GTF2IRD1: variants seen among roughly 807,000 people sequenced by gnomAD.
The protein encoded by GTF2IRD1 is general transcription factor II-I repeat domain-containing protein 1.
GTF2IRD1 carries 26 observed loss-of-function variants against 113.2 expected under a neutral mutation model. The ratio of observed to expected loss-of-function variants is 0.23; its 90% CI spans 0.17 to 0.32. GTF2IRD1 has a LOEUF of 0.32. GTF2IRD1 is among the 10% of genes least tolerant of loss of function. The pLI, the probability that GTF2IRD1 is intolerant of heterozygous loss-of-function variation, is 1.00. For synonymous variants in GTF2IRD1, 484 were observed against 529.1 expected (o/e 0.91, Z 1.17); for missense variants, 864 against 1,280.8 (o/e 0.67, Z 4.97).
At chr7:74,511,782 A>G (rs2267828) in intron 2 of GTF2IRD1, among the ~76,000 whole-genome samples, 42,267 of 152,022 alleles carry the variant, frequency 0.28, 6,932 homozygotes, top group East Asian at 0.45. Context: ...CATTTATTAG[A>G]CACAACTGCC....
At chr7:74,578,488 T>C (rs1394744205) in intron 22 of GTF2IRD1, among the ~76,000 whole-genome samples, 3 of 152,210 alleles carry the variant, frequency 2.0e-5, no homozygotes, top group Non-Finnish European at 2.9e-5. Flanking sequence ...TAATTTTACT[T>C]TTATGACAAA....
chr7:74,456,319 T>C (rs546693432), intron 1 of GTF2IRD1, among the ~76,000 whole-genome samples: 80 of 152,296 alleles, frequency 5.3e-4, no homozygotes, highest in Middle Eastern at 3.4e-3. Flanking sequence ...AACCATAGAC[T>C]GCAGCTCCCA....
At chr7:74,529,254 T>A (rs1797820856) in intron 8 of GTF2IRD1, among the ~76,000 whole-genome samples, 1 of 151,758 alleles carries the variant, frequency 6.6e-6, no homozygotes, top group Non-Finnish European at 1.5e-5. Context: ...CACTGGACAT[T>A]TTTTATTTTT....
At chr7:74,460,010 C>T (rs1367945368) in intron 1 of GTF2IRD1, among the ~76,000 whole-genome samples, 1 of 151,788 alleles carries the variant, frequency 6.6e-6, no homozygotes, top group Non-Finnish European at 1.5e-5. Context: ...AGGTCTCACT[C>T]TGTCACCCAG....
intron 22 of GTF2IRD1, among the ~76,000 whole-genome samples, chr7:74,564,269 A>T (rs1476065075): frequency 6.6e-6 from 1 of 152,098 alleles, no homozygotes; most frequent in Non-Finnish European, 1.5e-5. Context: ...TCAGGTGATC[A>T]GCCCGCCTCA....
intron 11 of GTF2IRD1, among the ~76,000 whole-genome samples, chr7:74,537,127 C>A (rs1554350417): frequency 1.3e-5 from 2 of 149,388 alleles, no homozygotes; most frequent in African/African-American, 4.9e-5. Context: ...TACAAACATG[C>A]AGCTGGGCAT....
At chr7:74,578,431 C>A (rs1190095799) in intron 22 of GTF2IRD1, among the ~76,000 whole-genome samples, 1 of 152,204 alleles carries the variant, frequency 6.6e-6, no homozygotes, top group Non-Finnish European at 1.5e-5. Flanking sequence ...CCGCCTCAGC[C>A]TCCCAAAATG....
chr7:74,591,216 G>GATATTACATTGTT (rs1802041282), intron 24 of GTF2IRD1, among the ~76,000 whole-genome samples, 199 bp downstream of exon 24: 1 of 151,694 alleles, frequency 6.6e-6, no homozygotes, highest in African/African-American at 2.4e-5. Flanking sequence ...TATTACATTT[G>GATATTACATTGTT]TTCTCTGGGG....
At position 74,521,244 on chromosome 7, in the gene GTF2IRD1, A is replaced by G. The variant is rs1797277563; in HGVS notation, c.953A>G (p.Gln318Arg). Residue 318 changes from glutamine (Q) to arginine (R), a missense_variant, in exon 7 of 27, where the codon CAG (glutamine) becomes CGG (arginine). Transcript: ENST00000424337. ...ACTGGGCCTGGTGGGCCTCTCATCC[A>G]GAACGTCCATGCCTCCAAGCGCATT... ...KPTGPGGPLIQNVHASKRILF... is the reference protein window; with the variant it reads ...KPTGPGGPLIRNVHASKRILF... 1 of 1,611,862 alleles carries G rather than the reference A, an allele frequency of 6.2e-7. No individual in the cohort carries two copies. The highest frequency in any genetic ancestry group is 1.7e-5 in the Admixed American group (1 of 59,996).
In GTF2IRD1 at chr7:74,538,660, T is replaced by TCTTC. The variant is rs782781858; in HGVS notation, c.1448-16_1448-13dup. 6.9e-7 allele frequency: 1 copy of TCTTC among 1,448,596 alleles called. No individual in the cohort carries two copies. The highest frequency in any genetic ancestry group is 1.1e-5 in the South Asian group (1 of 87,792). The allele number at this position is 1,448,596 out of a possible 1,614,324, so 89.7% of individuals were successfully genotyped here. A position where few individuals can be genotyped will look rare whatever the true frequency, so the allele number is the denominator to read the frequency against. On this transcript the variant is annotated intron_variant, in intron 12 of 26. Transcript: ENST00000424337. ...GGGATCATGCCAGACTTGACAGGAT[T>TCTTC]CTTCCTTTCCTCCTTGCAGGAACCT...
At chr7:74,511,011 T>C (rs533403510) in intron 2 of GTF2IRD1, among the ~76,000 whole-genome samples, 2 of 150,720 alleles carry the variant, frequency 1.3e-5, no homozygotes, top group South Asian at 4.2e-4. Flanking sequence ...GTCGTGCCAC[T>C]GCACTCCAGC....
At chr7:74,593,917 A>G (rs1175995849) in intron 24 of GTF2IRD1, among the ~76,000 whole-genome samples, 1 of 145,722 alleles carries the variant, frequency 6.9e-6, no homozygotes, top group African/African-American at 2.5e-5. Context: ...AAATAAAAAT[A>G]GGCTGGGCGT....
At chr7:74,593,133 A>G (rs1763756751) in intron 24 of GTF2IRD1, among the ~76,000 whole-genome samples, 1 of 152,038 alleles carries the variant, frequency 6.6e-6, no homozygotes, top group Admixed American at 6.6e-5. Context: ...CTGGGATTAC[A>G]AACATGAGCC....
intron 9 of GTF2IRD1, among the ~76,000 whole-genome samples, chr7:74,531,925 T>A (rs1464216775): frequency 1.3e-5 from 2 of 152,122 alleles, no homozygotes; most frequent in South Asian, 4.1e-4. Context: ...ATGTCTGTAT[T>A]CCTACTGGGA....
At chr7:74,518,447 G>A (rs928679677) in intron 5 of GTF2IRD1, 125 bp downstream of exon 5, 2 of 699,946 alleles carry the variant, frequency 2.9e-6, no homozygotes, top group Non-Finnish European at 4.7e-6. Context: ...CCCTGGTGGT[G>A]AAAGCTCCCA....
At chr7:74,470,510 A>G (rs1418376440) in intron 1 of GTF2IRD1, among the ~76,000 whole-genome samples, 1 of 152,120 alleles carries the variant, frequency 6.6e-6, no homozygotes, top group African/African-American at 2.4e-5. Context: ...TTCAGCCTTC[A>G]CCTACCATAT....
At chr7:74,494,881 A>G (rs1437216271) in intron 1 of GTF2IRD1, among the ~76,000 whole-genome samples, 2 of 152,136 alleles carry the variant, frequency 1.3e-5, no homozygotes, top group Non-Finnish European at 2.9e-5. Context: ...CCTCCCCAGT[A>G]GCTGGGACTA....
At chr7:74,497,494 A>G (rs944829530) in intron 1 of GTF2IRD1, among the ~76,000 whole-genome samples, 1 of 152,148 alleles carries the variant, frequency 6.6e-6, no homozygotes, top group Non-Finnish European at 1.5e-5. Context: ...AGCTCAAGCA[A>G]TCCTCCTGCC....
Position 74,536,285 on chromosome 7 carries a change from C to T in GTF2IRD1, c.1409+10C>T, listed in dbSNP as rs782596071. The T allele has an allele frequency of 1.7e-5, 26 of 1,549,574 alleles. No individual in the cohort carries two copies. The highest frequency in any genetic ancestry group is 2.2e-5 in the Non-Finnish European group (25 of 1,122,036). On this transcript the variant is annotated intron_variant, in intron 11 of 26. Coordinates refer to ENST00000424337, the MANE Select transcript of GTF2IRD1 (RefSeq NM_005685.4). ...TTGCTGGGAATGCTCGGTGAGGCCC[C>T]GCCCCTGGCCCCGGAGGCCCGCGGC...
Sources: allele counts gnomAD v4.1 joint callset (sites outside exome capture counted in the v4.1 genomes callset), GRCh38; gene constraint gnomAD v4.1.1; transcripts MANE v1.5; gene names NCBI Gene and HGNC (gene_info 2026-07-23, HGNC 2026-07-21).